The following PVT1 variants were observed in gnomAD, a reference collection of about 807,000 sequenced individuals.
The protein encoded by PVT1 is CXCR4/PVT1 fusion.
At chr8:127,884,245 C>T (rs992999427) in intron 2 of PVT1, among the ~76,000 whole-genome samples, 2 of 152,178 alleles carry the variant, frequency 1.3e-5, no homozygotes, top group African/African-American at 2.4e-5. Flanking sequence ...ATCACACACT[C>T]CCCTGTGTCT....
Position 127,838,725 on chromosome 8 carries a change from T to C in PVT1, n.372+42654T>C, listed in dbSNP as rs535034033. On this transcript the variant is annotated intron_variant and non_coding_transcript_variant, in intron 2 of 10. Transcript: ENST00000651587. ...CTCTGATGATAGTAATAAATAATAA[T>C]GGTAGCTTCTATTTATTGTTTACTA... Among the ~76,000 whole-genome samples, 458 of 152,240 alleles carry C rather than the reference T, an allele frequency of 3.0e-3. 1 individual carries two copies. Among genetic ancestry groups the C allele is most frequent in the African/African-American group, 0.011 (442 of 41,534 alleles).
At chr8:128,001,927 C>A (rs950257542) in intron 4 of PVT1, among the ~76,000 whole-genome samples, 1 of 152,126 alleles carries the variant, frequency 6.6e-6, no homozygotes, top group Non-Finnish European at 1.5e-5. Flanking sequence ...CCTCCCAAAG[C>A]CCCTACCTCC....
chr8:128,074,364 A>T (rs2130140585), intron 5 of PVT1, among the ~76,000 whole-genome samples: 1 of 26,036 alleles, frequency 3.8e-5, no homozygotes, highest in South Asian at 2.2e-3. Flanking sequence ...AATAAAAATA[A>T]AAAAAAAAAT....
At chr8:128,005,964 G>T (rs1817241553) in intron 4 of PVT1, among the ~76,000 whole-genome samples, 1 of 151,996 alleles carries the variant, frequency 6.6e-6, no homozygotes, top group African/African-American at 2.4e-5. Context: ...TTAGCCAGAT[G>T]TGGTAGTGCG....
At chr8:128,048,982 C>A (rs1461728087) in intron 4 of PVT1, among the ~76,000 whole-genome samples, 4 of 152,228 alleles carry the variant, frequency 2.6e-5, no homozygotes, top group Non-Finnish European at 1.5e-5. Flanking sequence ...AAATAAATTA[C>A]CCTTCTCCAC....
At chr8:128,059,480 G>A (rs914794305) in intron 4 of PVT1, among the ~76,000 whole-genome samples, 1 of 152,160 alleles carries the variant, frequency 6.6e-6, no homozygotes, top group Non-Finnish European at 1.5e-5. Flanking sequence ...GAGAGAAGAA[G>A]AATATTTTGT....
Position 127,954,774 on chromosome 8 carries a change from C to T in PVT1, n.783-34388C>T, listed in dbSNP as rs553830339. Among the ~76,000 whole-genome samples the T allele has an allele frequency of 7.2e-5, 11 of 152,308 alleles. No homozygotes were observed. In the South Asian group the frequency reaches 2.3e-3, roughly 32 times the overall value. On this transcript the variant is annotated intron_variant and non_coding_transcript_variant, in intron 3 of 10. Coordinates refer to ENST00000651587, the Ensembl canonical transcript of PVT1. The stretch of plus-strand genomic sequence containing the variant: ...CGTGGATTCCTCCATGAAGCAATGA[C>T]TGAGCTGCTGCTCTGCAACTGGTGC...
At chr8:127,895,121 A>G (rs968021155) in intron 3 of PVT1, among the ~76,000 whole-genome samples, 1 of 152,190 alleles carries the variant, frequency 6.6e-6, no homozygotes, top group Non-Finnish European at 1.5e-5. Context: ...TATTTCCACT[A>G]TGCAATCAAT....
At chr8:127,871,707 G>A (rs987082865) in intron 2 of PVT1, among the ~76,000 whole-genome samples, 8 of 152,174 alleles carry the variant, frequency 5.3e-5, no homozygotes, top group African/African-American at 1.9e-4. Context: ...GGTGCCAGAT[G>A]TTGATTCAAA....
At position 127,826,014 on chromosome 8, in the gene PVT1, CT is replaced by C. The variant is rs57575268; in HGVS notation, n.372+29965del. Among the ~76,000 whole-genome samples the C allele has an allele frequency of 1.7e-3, 148 of 89,666 alleles. 1 individual carries two copies. The highest frequency in any genetic ancestry group is 7.8e-3 in the South Asian group (17 of 2,172). 58.8% of individuals were successfully genotyped at this position (89,666 alleles called of 152,430 possible). ...TACAGGAGTGTGCCACCATGCCCAG[CT>C]TTTTTTTTTTTTTTTTTTTTTGATA... On this transcript the variant is annotated intron_variant and non_coding_transcript_variant, in intron 2 of 10. Transcript: ENST00000651587.
chr8:128,043,831 T>TGTTTG lies in PVT1; in HGVS notation n.913-26329_913-26328insGTTTG, dbSNP rs1491092868. On this transcript the variant is annotated intron_variant and non_coding_transcript_variant, in intron 4 of 10. Coordinates refer to ENST00000651587, the Ensembl canonical transcript of PVT1. ...ACACAAGGAGGCCAAACATCTTGTC[T>TGTTTG]TTTTTTTTTTTTTTTTTTTAAAGAC... is the stretch of plus-strand genomic sequence containing the variant. 2.1e-3 allele frequency among the ~76,000 whole-genome samples: 229 copies of TGTTTG among 110,932 alleles called. 2 individuals are homozygous for TGTTTG. Among genetic ancestry groups the TGTTTG allele is most frequent in the Middle Eastern group, 0.018 (4 of 220 alleles). 72.8% of individuals were successfully genotyped at this position (110,932 alleles called of 152,430 possible).
chr8:128,021,324 A>T (rs897576389), intron 4 of PVT1, among the ~76,000 whole-genome samples: 1 of 110,612 alleles, frequency 9.0e-6, no homozygotes, highest in Non-Finnish European at 1.7e-5. Context: ...GACGGAGTCT[A>T]GCTCTGTTGC....
At chr8:128,083,474 T>C (rs1173137515) in intron 5 of PVT1, among the ~76,000 whole-genome samples, 13 of 152,084 alleles carry the variant, frequency 8.5e-5, no homozygotes, top group Non-Finnish European at 1.6e-4. Flanking sequence ...GCCACAATGG[T>C]GGTTTCTTTT....
intron 5 of PVT1, among the ~76,000 whole-genome samples, chr8:128,072,582 C>T (rs568996127): frequency 6.6e-6 from 1 of 152,092 alleles, no homozygotes; most frequent in Non-Finnish European, 1.5e-5. Context: ...AGAGTCATTT[C>T]CCCCCAACTC....
intron 4 of PVT1, among the ~76,000 whole-genome samples, chr8:128,022,041 G>A (rs1025673909): frequency 6.6e-6 from 1 of 152,186 alleles, no homozygotes; most frequent in Non-Finnish European, 1.5e-5. Flanking sequence ...CACAGAGCGA[G>A]ACTCTGTCCC....
At chr8:128,025,142 G>A (rs545360685) in intron 4 of PVT1, among the ~76,000 whole-genome samples, 2 of 152,322 alleles carry the variant, frequency 1.3e-5, no homozygotes, top group Non-Finnish European at 2.9e-5. Context: ...TTGGGCTGGC[G>A]CAGGCCAGGC....
chr8:128,045,121 C>T (rs943640922), intron 4 of PVT1, among the ~76,000 whole-genome samples: 2 of 152,168 alleles, frequency 1.3e-5, no homozygotes, highest in Non-Finnish European at 2.9e-5. Context: ...GATAACATAT[C>T]CTATCTTAAC....
At chr8:128,094,951 A>G (rs889051579) in intron 5 of PVT1, among the ~76,000 whole-genome samples, 1 of 152,174 alleles carries the variant, frequency 6.6e-6, no homozygotes, top group Non-Finnish European at 1.5e-5. Flanking sequence ...GTGGTTCCAG[A>G]TGTGGATGGG....
At chr8:128,047,911 T>A (rs1381974167) in intron 4 of PVT1, among the ~76,000 whole-genome samples, 1 of 152,294 alleles carries the variant, frequency 6.6e-6, no homozygotes, top group Non-Finnish European at 1.5e-5. Context: ...TCTAAAAAAA[T>A]TAGTGGCTAT....
Sources: allele counts gnomAD v4.1 joint callset (sites outside exome capture counted in the v4.1 genomes callset), GRCh38; gene constraint gnomAD v4.1.1; transcripts MANE v1.5; gene names NCBI Gene and HGNC (gene_info 2026-07-23, HGNC 2026-07-21).